Variants in DISP3 observed in about 807,000 individuals in gnomAD.
The protein encoded by DISP3 is protein dispatched homolog 3.
In DISP3, 101 loss-of-function variants were observed where a neutral mutation model predicts 135.3. The observed-to-expected ratio is 0.75, with a 90% CI of 0.64 to 0.88. The LOEUF (loss-of-function observed/expected upper bound fraction) is 0.88, where lower values mean the gene tolerates loss of function less well. Ranked by LOEUF, DISP3 falls within the 40% of genes least tolerant of loss-of-function variation. DISP3 has a pLI of 0.00. For synonymous variants in DISP3, 856 were observed against 817.0 expected, an observed-to-expected ratio of 1.05 and a Z score of -0.81; for missense variants, 1,713 against 1,878.6, an observed-to-expected ratio of 0.91 and a Z score of 1.63.
Position 11,536,140 on chromosome 1 carries a change from G to T in DISP3, c.3817-184G>T, listed in dbSNP as rs575439279. Among the ~76,000 whole-genome samples the T allele has an allele frequency of 6.6e-6, 1 of 152,066 alleles. No individual in the cohort carries two copies. Among genetic ancestry groups the T allele is most frequent in the Non-Finnish European group, 1.5e-5 (1 of 68,008 alleles). Reference sequence around the variant, plus strand: ...CACAGGACCTACTGTGCAGACCCTCGCGTCCTGTTGCCATAGCAACACCTA... The same window carrying T: ...CACAGGACCTACTGTGCAGACCCTCTCGTCCTGTTGCCATAGCAACACCTA... On this transcript the variant is annotated intron_variant, in intron 20 of 20. Coordinates refer to ENST00000294484, the MANE Select transcript of DISP3 (RefSeq NM_020780.2). The surrounding 1 kb of genome is among the most constrained non-coding windows in gnomAD (Gnocchi z 4.3).
rs1405349181 is a variant in DISP3, at chr1:11,525,321, G to C, written c.2613+9G>C. ...AGGTGCCCTCCTTCCAGGTGAGCCT[G>C]GGCTGTCGTGAAGTGAGCCGCCACC... is the stretch of plus-strand genomic sequence containing the variant. On this transcript the variant is annotated intron_variant, in intron 12 of 20. Coordinates refer to ENST00000294484, the MANE Select transcript of DISP3 (RefSeq NM_020780.2). 2 of 1,611,140 alleles carry C rather than the reference G, an allele frequency of 1.2e-6. No homozygotes were observed. Among genetic ancestry groups the C allele is most frequent in the South Asian group, 2.2e-5 (2 of 90,974 alleles).
In DISP3 at chr1:11,517,504, C is replaced by A; in HGVS notation, c.1791C>A (p.Ile597=). The A allele has an allele frequency of 6.2e-7, 1 of 1,614,218 alleles. No homozygotes were observed. The highest frequency in any genetic ancestry group is 8.5e-7 in the Non-Finnish European group (1 of 1,180,030). The change falls in exon 7 of 21, where the codon ATC becomes ATA. Residue 597 remains isoleucine (I), a synonymous_variant. Transcript: ENST00000294484. ...ACTTTGGCCTGTTCATGTCTCTCAT[C>A]GTGTCCTGTTGCTGGCTGGCCGTGC... The part of the protein sequence containing the change: ...VHDFGLFMSL[I]VSCCWLAVLV...
intron 3 of DISP3, among the ~76,000 whole-genome samples, chr1:11,503,577 AAG>A (rs1219808416): frequency 1.3e-5 from 2 of 152,026 alleles, no homozygotes; most frequent in East Asian, 1.9e-4. Flanking sequence ...CCAGGGGGGA[AAG>A]AGAGAGAGGA....
Position 11,522,904 on chromosome 1 carries a change from G to GCAAGGA in DISP3, c.2363-1037_2363-1036insAAGGAC, listed in dbSNP as rs1557615712. Among the ~76,000 whole-genome samples, 221 of 23,982 alleles carry GCAAGGA rather than the reference G, an allele frequency of 9.2e-3. 11 individuals carry two copies. The highest frequency in any genetic ancestry group is 0.014 in the Non-Finnish European group (160 of 11,284). 15.7% of individuals were successfully genotyped at this position (23,982 alleles called of 152,430 possible). ...AGAGCCCAGCCAGGACCCAGCCAGA[G>GCAAGGA]CCCAGCCAGGACCCAGCAAGGACCC... On this transcript the variant is annotated intron_variant, in intron 10 of 20. Transcript: ENST00000294484.
At chr1:11,526,406 GGACA>G (rs1557618875) in intron 12 of DISP3, among the ~76,000 whole-genome samples, 1 of 152,216 alleles carries the variant, frequency 6.6e-6, no homozygotes. Context: ...GCCTGGCATG[GGACA>G]GACACTCAGT....
chr1:11,533,657 G>T, intron 17 of DISP3: 1 of 652,534 alleles, frequency 1.5e-6, no homozygotes, highest in South Asian at 1.7e-5. Context: ...GTTCCAGGGA[G>T]GAGAGAAGTC....
At chr1:11,482,720 C>T (rs1640934797) in intron 1 of DISP3, among the ~76,000 whole-genome samples, 1 of 152,198 alleles carries the variant, frequency 6.6e-6, no homozygotes, top group Non-Finnish European at 1.5e-5. Context: ...CTCCTCCCCA[C>T]ACCCAAATGT....
intron 1 of DISP3, among the ~76,000 whole-genome samples, chr1:11,482,459 G>A (rs373916365): frequency 2.0e-5 from 3 of 152,202 alleles, no homozygotes; most frequent in East Asian, 3.9e-4. Context: ...GGCAAAAATA[G>A]CCTTCACAGA....
intron 1 of DISP3, among the ~76,000 whole-genome samples, chr1:11,497,840 T>G (rs1410408659): frequency 1.3e-5 from 2 of 152,136 alleles, no homozygotes; most frequent in Non-Finnish European, 2.9e-5. Flanking sequence ...GTTAATTCAT[T>G]TGTCCAGGGG....
chr1:11,520,016 CCT>C lies in DISP3; in HGVS notation c.2200+139_2200+140del. The C allele has an allele frequency of 1.2e-6, 1 of 815,494 alleles. No homozygotes were observed. Among genetic ancestry groups the C allele is most frequent in the East Asian group, 2.7e-5 (1 of 37,336 alleles). 50.5% of individuals were successfully genotyped at this position (815,494 alleles called of 1,614,324 possible). Reference sequence around the variant, plus strand: ...TGGGGTCTCTCCCTCTCTGACCCCCCCTCTTTCCTGTGCAGAATGAAGCCGGT... The same window carrying C: ...TGGGGTCTCTCCCTCTCTGACCCCCCCTTTCCTGTGCAGAATGAAGCCGGT... On this transcript the variant is annotated intron_variant, in intron 9 of 20. Coordinates refer to ENST00000294484, the MANE Select transcript of DISP3 (RefSeq NM_020780.2). The surrounding 1 kb of genome is among the most constrained non-coding windows in gnomAD (Gnocchi z 4.8).
At chr1:11,514,633 A>T in intron 4 of DISP3, 107 bp downstream of exon 4, 1 of 1,380,136 alleles carries the variant, frequency 7.2e-7, no homozygotes, top group Non-Finnish European at 1.0e-6. Flanking sequence ...CCAGCATGTC[A>T]GAGCTGGGGA....
Position 11,520,679 on chromosome 1 carries a change from C to T in DISP3, c.2201-8C>T. 2 of 1,612,238 alleles carry T rather than the reference C, an allele frequency of 1.2e-6. No homozygotes were observed. Among genetic ancestry groups the T allele is most frequent in the Non-Finnish European group, 1.7e-6 (2 of 1,179,174 alleles). On this transcript the variant is annotated splice_polypyrimidine_tract_variant and splice_region_variant and intron_variant, in intron 9 of 20. Transcript: ENST00000294484. This position sits in a 1 kb window ranked among gnomAD's most constrained non-coding sequence, Gnocchi z 4.8. ...AGCCCCGCCTGGTGTAGCGCCCTTT[C>T]CTCACAGGGCTGTTCGTCTCCATCC...
chr1:11,511,761 C>T (rs999591119), intron 3 of DISP3, among the ~76,000 whole-genome samples: 2 of 152,190 alleles, frequency 1.3e-5, no homozygotes, highest in Non-Finnish European at 2.9e-5. Flanking sequence ...GGGACTCTGA[C>T]CCCACATTTC....
chr1:11,534,667 C>T (rs1642661094), intron 18 of DISP3, 127 bp downstream of exon 18: 1 of 1,282,396 alleles, frequency 7.8e-7, no homozygotes, highest in East Asian at 2.5e-5. Context: ...AACCGGGTGG[C>T]ACGGTGGCTG....
intron 13 of DISP3, 106 bp downstream of exon 13, chr1:11,526,941 T>A: frequency 7.8e-7 from 1 of 1,289,584 alleles, no homozygotes; most frequent in Non-Finnish European, 1.0e-6. Context: ...GCAGGCCCCC[T>A]CACTTTTTTT....
chr1:11,507,109 A>AAC (rs1055841380), intron 3 of DISP3, among the ~76,000 whole-genome samples: 3 of 152,122 alleles, frequency 2.0e-5, no homozygotes, highest in East Asian at 1.9e-4. Flanking sequence ...ATGTGAAAAA[A>AAC]ACACACACAC....
Position 11,520,671 on chromosome 1 carries a change from C to T in DISP3, c.2201-16C>T, listed in dbSNP as rs1348866466. On this transcript the variant is annotated splice_polypyrimidine_tract_variant and intron_variant, in intron 9 of 20. Transcript: ENST00000294484. This position sits in a 1 kb window ranked among gnomAD's most constrained non-coding sequence, Gnocchi z 4.8. ...CTGGGCCCAGCCCCGCCTGGTGTAG[C>T]GCCCTTTCCTCACAGGGCTGTTCGT... 3.7e-6 allele frequency: 6 copies of T among 1,611,120 alleles called. No homozygotes were observed. The highest frequency in any genetic ancestry group is 1.7e-5 in the Admixed American group (1 of 59,896).
At chr1:11,485,641 T>C (rs957377429) in intron 1 of DISP3, among the ~76,000 whole-genome samples, 8 of 152,166 alleles carry the variant, frequency 5.3e-5, no homozygotes, top group African/African-American at 1.7e-4. Context: ...CTGTTCTTCG[T>C]TGGGGAGCTC....
At position 11,494,327 on chromosome 1, in the gene DISP3, A is replaced by G. The variant is rs1349969895; in HGVS notation, c.-3-6663A>G. On this transcript the variant is annotated intron_variant, in intron 1 of 20. Coordinates refer to ENST00000294484, the MANE Select transcript of DISP3 (RefSeq NM_020780.2). ...TCTTAATGGGTGTCAGAGTTTCTGC[A>G]TTGAACTAGCTGGGCTGAACTAGCT... Among the ~76,000 whole-genome samples the G allele has an allele frequency of 2.0e-5, 3 of 152,196 alleles. No homozygotes were observed. In the East Asian group the frequency reaches 5.8e-4, roughly 29 times the overall value.
Sources: gnomAD v4.1 joint callset for allele counts (sites outside exome capture counted in the v4.1 genomes callset) on GRCh38, gnomAD v4.1.1 for gene constraint, Gnocchi (gnomAD v3.1) non-coding constraint, MANE v1.5 for transcripts, NCBI Gene and HGNC (gene_info 2026-07-23, HGNC 2026-07-21) for gene names.